SHISA5: variants seen among roughly 807,000 people sequenced by gnomAD.
The protein encoded by SHISA5 is protein shisa-5.
SHISA5 carries 21 observed loss-of-function variants against 27.5 expected under a neutral mutation model. The observed-to-expected ratio is 0.76, with a 90% CI of 0.54 to 1.10. The LOEUF is 1.10. SHISA5 is among the 50% of genes least tolerant of loss of function. SHISA5 has a pLI of 0.00. For synonymous variants in SHISA5, 137 were observed against 142.2 expected (o/e 0.96, Z 0.26); for missense variants, 314 against 336.3 (o/e 0.93, Z 0.52).
At chr3:48,486,854 A>C (rs1312853145) in intron 2 of SHISA5, among the ~76,000 whole-genome samples, 1 of 149,288 alleles carries the variant, frequency 6.7e-6, no homozygotes, top group East Asian at 2.0e-4. Context: ...CGGGAGGTGG[A>C]GGTTACAGTG....
intron 2 of SHISA5, among the ~76,000 whole-genome samples, chr3:48,484,086 A>T (rs1469462445): frequency 6.6e-6 from 1 of 152,202 alleles, no homozygotes; most frequent in East Asian, 1.9e-4. Context: ...AGAAAAAGAA[A>T]AGTGGTGGGA....
chr3:48,476,356 A>AAG (rs1276183341), intron 3 of SHISA5, among the ~76,000 whole-genome samples: 1 of 151,732 alleles, frequency 6.6e-6, no homozygotes, highest in East Asian at 1.9e-4. Flanking sequence ...AAAAAAAAAA[A>AAG]AAAAAGTAGC....
At position 48,504,170 on chromosome 3, in the gene SHISA5, C is replaced by A; in HGVS notation, c.-76G>T. The A allele has an allele frequency of 3.0e-6, 2 of 662,078 alleles. No individual in the cohort carries two copies. Among genetic ancestry groups the A allele is most frequent in the South Asian group, 1.1e-4 (2 of 17,422 alleles). The allele number at this position is 662,078 out of a possible 1,614,324, so 41.0% of individuals were successfully genotyped here. A position where few individuals can be genotyped will look rare whatever the true frequency, so the allele number is the denominator to read the frequency against. The stretch of plus-strand genomic sequence containing the variant: ...CCACAGCCTCAGTGATCCGCGCGGC[C>A]GCCCCTCTCCCTCGCCCCGCCCCGC... On this transcript the variant is annotated 5_prime_UTR_variant, in exon 1 of 6. Coordinates refer to ENST00000296444, the MANE Select transcript of SHISA5 (RefSeq NM_016479.6). This position sits in a 1 kb window ranked among gnomAD's most constrained non-coding sequence, Gnocchi z 4.0.
intron 2 of SHISA5, among the ~76,000 whole-genome samples, chr3:48,496,166 C>T (rs1215135996): frequency 6.7e-6 from 1 of 148,934 alleles, no homozygotes; most frequent in Non-Finnish European, 1.5e-5. Context: ...GAGGCGTTCC[C>T]CTGTAATCCC....
At chr3:48,489,121 G>A (rs1376384032) in intron 2 of SHISA5, among the ~76,000 whole-genome samples, 6 of 152,044 alleles carry the variant, frequency 3.9e-5, no homozygotes, top group Non-Finnish European at 7.4e-5. Flanking sequence ...TGTGACCAGC[G>A]GCCCACATTC....
At chr3:48,471,816 T>A (rs1433172662) in intron 3 of SHISA5, among the ~76,000 whole-genome samples, 3 of 151,766 alleles carry the variant, frequency 2.0e-5, no homozygotes, top group African/African-American at 7.3e-5. Context: ...GAGGCAGAGA[T>A]TGCAGTGAGC....
At chr3:48,483,928 G>T (rs2041117219) in intron 2 of SHISA5, among the ~76,000 whole-genome samples, 1 of 152,144 alleles carries the variant, frequency 6.6e-6, no homozygotes, top group African/African-American at 2.4e-5. Flanking sequence ...TATTGCCCAG[G>T]TTGGTCTGAA....
chr3:48,472,302 ACATAGTGAAACCC>A (rs1454472219), intron 3 of SHISA5, among the ~76,000 whole-genome samples: 1 of 151,212 alleles, frequency 6.6e-6, no homozygotes, highest in African/African-American at 2.5e-5. Flanking sequence ...AGCCTGGGCA[ACATAGTGAAACCC>A]CATCTCTACT....
At chr3:48,482,468 C>T (rs2041056540) in intron 2 of SHISA5, among the ~76,000 whole-genome samples, 1 of 152,136 alleles carries the variant, frequency 6.6e-6, no homozygotes, top group South Asian at 2.1e-4. Context: ...GACAAACCAT[C>T]TGTGAAAAGG....
intron 2 of SHISA5, among the ~76,000 whole-genome samples, chr3:48,498,827 A>C (rs1055489274): frequency 9.9e-5 from 15 of 152,244 alleles, no homozygotes; most frequent in African/African-American, 3.6e-4. Context: ...CACGCCTGTA[A>C]TCCCAGCACT....
In SHISA5 at chr3:48,468,516, G is replaced by T; in HGVS notation, c.*591C>A. On this transcript the variant is annotated 3_prime_UTR_variant, in exon 6 of 6. Transcript: ENST00000296444. The stretch of plus-strand genomic sequence containing the variant: ...AGGCTGCCTGATCCCCAACAGGCAT[G>T]ACAGGCTCCAGGGAGCAATGGGACA... 8.4e-7 allele frequency: 1 copy of T among 1,185,580 alleles called. No homozygotes were observed. The highest frequency in any genetic ancestry group is 1.1e-6 in the Non-Finnish European group (1 of 941,456). 73.4% of individuals were successfully genotyped at this position (1,185,580 alleles called of 1,614,324 possible).
rs1487204490 is a variant in SHISA5, at chr3:48,469,866, C to G, written c.315-23G>C. 1.2e-6 allele frequency: 2 copies of G among 1,605,628 alleles called. No individual in the cohort carries two copies. The highest frequency in any genetic ancestry group is 1.7e-6 in the Non-Finnish European group (2 of 1,176,004). ...AACCTGCCAAAGAGCTAGACGTGAC[C>G]CGGGGCACCTCGCCCCTCCCCAGAC... On this transcript the variant is annotated intron_variant, in intron 3 of 5. Transcript: ENST00000296444. This position sits in a 1 kb window ranked among gnomAD's most constrained non-coding sequence, Gnocchi z 4.6.
At chr3:48,503,122 C>T (rs1003489975) in intron 1 of SHISA5, 6 of 1,289,732 alleles carry the variant, frequency 4.7e-6, no homozygotes, top group East Asian at 5.5e-5. Context: ...CAGCATGGCC[C>T]GTGCCTGGTG....
At chr3:48,483,582 C>T (rs1248418909) in intron 2 of SHISA5, among the ~76,000 whole-genome samples, 1 of 152,146 alleles carries the variant, frequency 6.6e-6, no homozygotes, top group East Asian at 1.9e-4. Context: ...TCACCTTGGC[C>T]CGTTCTCAAT....
rs568676716 is a variant in SHISA5 at position 48,470,306 on chromosome 3, G to T, written c.315-463C>A. Among the ~76,000 whole-genome samples the T allele has an allele frequency of 3.9e-5, 6 of 152,378 alleles. No individual in the cohort carries two copies. Among genetic ancestry groups the T allele is most frequent in the African/African-American group, 1.4e-4 (6 of 41,594 alleles). ...GATAACATGGCTCACAAAGCACAGG[G>T]TGAAGACTGAGAGAAGCCCCAGGAG... On this transcript the variant is annotated intron_variant, in intron 3 of 5. Coordinates refer to ENST00000296444, the MANE Select transcript of SHISA5 (RefSeq NM_016479.6). This position sits in a 1 kb window ranked among gnomAD's most constrained non-coding sequence, Gnocchi z 4.3.
At chr3:48,479,984 A>G (rs549214349) in intron 2 of SHISA5, among the ~76,000 whole-genome samples, 29 of 151,930 alleles carry the variant, frequency 1.9e-4, no homozygotes, top group Admixed American at 1.9e-3. Context: ...GCTCACTGCA[A>G]GCTCCGCCTC....
chr3:48,503,255 C>T (rs1462256180), intron 1 of SHISA5: 9 of 1,087,476 alleles, frequency 8.3e-6, no homozygotes, highest in Admixed American at 2.3e-5. Flanking sequence ...CTCTGACCCC[C>T]AGACCTCACT....
chr3:48,473,965 C>T lies in SHISA5; in HGVS notation c.315-4122G>A, dbSNP rs1263984239. 1.4e-5 allele frequency among the ~76,000 whole-genome samples: 2 copies of T among 144,846 alleles called. No homozygotes were observed. Among genetic ancestry groups the T allele is most frequent in the African/African-American group, 2.6e-5 (1 of 38,152 alleles). On this transcript the variant is annotated intron_variant, in intron 3 of 5. Coordinates refer to ENST00000296444, the MANE Select transcript of SHISA5 (RefSeq NM_016479.6). This position sits in a 1 kb window ranked among gnomAD's most constrained non-coding sequence, Gnocchi z 4.3. ...CCTGTAATCCCAGCTACTCAGGAGGCTTTCTCCAGCCTGGGAGACTGAGTG... is the reference window on the plus strand; with the variant it reads ...CCTGTAATCCCAGCTACTCAGGAGGTTTTCTCCAGCCTGGGAGACTGAGTG...
chr3:48,499,878 A>T (rs1391579079), intron 2 of SHISA5, among the ~76,000 whole-genome samples: 1 of 142,358 alleles, frequency 7.0e-6, no homozygotes, highest in Non-Finnish European at 1.5e-5. Context: ...AAAAAAAAAA[A>T]AAAAAAAGCC....
Sources: allele counts gnomAD v4.1 joint callset (sites outside exome capture counted in the v4.1 genomes callset), GRCh38; gene constraint gnomAD v4.1.1; non-coding constraint Gnocchi (gnomAD v3.1); transcripts MANE v1.5; gene names NCBI Gene and HGNC (gene_info 2026-07-23, HGNC 2026-07-21).